Variants in ZNF530 observed in about 807,000 individuals in gnomAD.
The protein encoded by ZNF530 is zinc finger protein 530.
A neutral mutation model predicts 2.8 loss-of-function variants in ZNF530; 5 were observed. That is an observed-to-expected ratio of 1.80 (90% confidence interval 0.94 to 3.78). The LOEUF (loss-of-function observed/expected upper bound fraction) is 3.78, where lower values mean the gene tolerates loss of function less well. ZNF530 is among the 30% of genes most tolerant of loss of function. The pLI is 0.00. For synonymous variants in ZNF530, 229 were observed against 235.0 expected, an observed-to-expected ratio of 0.97 and a Z score of 0.23; for missense variants, 619 against 673.3, an observed-to-expected ratio of 0.92 and a Z score of 0.89.
chr19:57,606,628 G>A lies in ZNF530; in HGVS notation c.1004G>A (p.Arg335Gln), dbSNP rs370195949. 82 of 1,613,636 alleles carry A rather than the reference G, an allele frequency of 5.1e-5. No homozygotes were observed. Among genetic ancestry groups the A allele is most frequent in the African/African-American group, 6.7e-5 (5 of 74,778 alleles). Residue 335 changes from arginine (R) to glutamine (Q), a missense_variant, in exon 4 of 4, where the codon CGA (arginine) becomes CAA (glutamine). Arg to Gln is a conservative substitution (Grantham distance 43). Transcript: ENST00000597700. ...KSFSHSTNLF[R>Q]HWRVHTGVRP... is the part of the protein sequence containing the mutation. ...TTTAGCCATAGCACTAACCTCTTTC[G>A]ACACTGGAGAGTTCACACTGGAGTA...
rs946787350 is a variant in ZNF530, at chr19:57,607,393, G to A, written c.*68G>A. ...TGGAATTTTGCTCGTCACCCAGGCT[G>A]GAGTGCAATTGTGCAATCTCAGCTC... On this transcript the variant is annotated 3_prime_UTR_variant, in exon 4 of 4. Transcript: ENST00000597700. 3.5e-5 allele frequency: 52 copies of A among 1,473,066 alleles called. No individual in the cohort carries two copies. In the African/African-American group the frequency reaches 6.5e-4, roughly 19 times the overall value. The allele number at this position is 1,473,066 out of a possible 1,614,324, so 91.2% of individuals were successfully genotyped here. A position where few individuals can be genotyped will look rare whatever the true frequency, so the allele number is the denominator to read the frequency against.
chr19:57,603,804 A>T (rs1327845077), intron 2 of ZNF530, among the ~76,000 whole-genome samples: 2 of 152,210 alleles, frequency 1.3e-5, no homozygotes, highest in African/African-American at 4.8e-5. Flanking sequence ...AGCACTTTCT[A>T]GATGTCTTGT....
chr19:57,602,508 G>C (rs958022825), intron 2 of ZNF530, among the ~76,000 whole-genome samples: 2 of 152,140 alleles, frequency 1.3e-5, no homozygotes, highest in Non-Finnish European at 2.9e-5. Flanking sequence ...ATTAATAGCA[G>C]GCCAGGAAGG....
intron 3 of ZNF530, 84 bp from the exon 4 acceptor site, chr19:57,605,602 A>G: frequency 7.3e-7 from 1 of 1,370,280 alleles, no homozygotes; most frequent in Non-Finnish European, 9.9e-7. Flanking sequence ...ACATTTTCTT[A>G]GACTCATTCT....
chr19:57,604,516 C>G, intron 3 of ZNF530, 110 bp downstream of exon 3: 3 of 1,436,222 alleles, frequency 2.1e-6, no homozygotes, highest in Non-Finnish European at 2.8e-6. Context: ...ACAGACCTTC[C>G]CACTTTCTTG....
Position 57,605,939 on chromosome 19 carries a change from G to T in ZNF530, c.315G>T (p.Lys105Asn). ...WMSSNLHQLQ[K>N]LDNGEKLFKV... is the part of the protein sequence containing the mutation. ...GTTCAAACCTTCACCAGCTCCAGAA[G>T]CTTGATAATGGAGAGAAGCTCTTTA... The change falls in exon 4 of 4, where the codon AAG (lysine) becomes AAT (asparagine). Residue 105 changes from lysine to asparagine, a missense_variant. Coordinates refer to ENST00000597700, the MANE Select transcript of ZNF530 (RefSeq NM_001321981.2). 1 of 1,614,196 alleles carries T rather than the reference G, an allele frequency of 6.2e-7. No individual in the cohort carries two copies. The highest frequency in any genetic ancestry group is 1.6e-4 in the Middle Eastern group (1 of 6,062).
chr19:57,608,921 GC>G lies in ZNF530; in HGVS notation c.*1597del, dbSNP rs1228653063. On this transcript the variant is annotated 3_prime_UTR_variant, in exon 4 of 4. Transcript: ENST00000597700. ...GGCCAAGGTGGTGAAACCCTGGAAG[GC>G]TGAGGCAGATAATTGCTTGAACTTG... 2 of 151,874 alleles carry G rather than the reference GC, an allele frequency of 1.3e-5. No homozygotes were observed. The highest frequency in any genetic ancestry group is 2.9e-5 in the Non-Finnish European group (2 of 68,058). 9.4% of individuals were successfully genotyped at this position (151,874 alleles called of 1,614,324 possible).
intron 2 of ZNF530, among the ~76,000 whole-genome samples, chr19:57,601,245 CA>C (rs976234811): frequency 2.6e-5 from 4 of 152,246 alleles, no homozygotes; most frequent in African/African-American, 9.6e-5. Flanking sequence ...GAGTTGGTAG[CA>C]ATACCAAAGA....
Position 57,606,100 on chromosome 19 carries a change from T to C in ZNF530, c.476T>C (p.Ile159Thr). 1 of 1,614,190 alleles carries C rather than the reference T, an allele frequency of 6.2e-7. No homozygotes were observed. Among genetic ancestry groups the C allele is most frequent in the South Asian group, 1.1e-5 (1 of 91,080 alleles). ...CTCCAGCATCAGGTGACTCCCACCA[T>C]TGAGAGACCACACAGCAGGATTAGA... is the stretch of plus-strand genomic sequence containing the variant. ...GLLQHQVTPT[I>T]ERPHSRIRHL... Residue 159 changes from isoleucine to threonine, a missense_variant, in exon 4 of 4, where the codon ATT (isoleucine) becomes ACT (threonine). Coordinates refer to ENST00000597700, the MANE Select transcript of ZNF530 (RefSeq NM_001321981.2).
At chr19:57,603,300 A>G (rs1335447021) in intron 2 of ZNF530, among the ~76,000 whole-genome samples, 3 of 152,216 alleles carry the variant, frequency 2.0e-5, no homozygotes, top group African/African-American at 7.2e-5. Flanking sequence ...GACACATGGG[A>G]ATTGTGGGAG....
intron 2 of ZNF530, among the ~76,000 whole-genome samples, chr19:57,603,925 A>C (rs539548254): frequency 3.3e-5 from 5 of 152,184 alleles, no homozygotes; most frequent in African/African-American, 9.7e-5. Context: ...AGTGATGCAC[A>C]TATGAAGACG....
chr19:57,606,363 A>T lies in ZNF530; in HGVS notation c.739A>T (p.Thr247Ser). The T allele has an allele frequency of 1.2e-6, 2 of 1,613,798 alleles. No individual in the cohort carries two copies. The highest frequency in any genetic ancestry group is 1.7e-6 in the Non-Finnish European group (2 of 1,179,790). The change falls in exon 4 of 4, where the codon ACT (threonine) becomes TCT (serine). Residue 247 changes from threonine to serine, a missense_variant. Coordinates refer to ENST00000597700, the MANE Select transcript of ZNF530 (RefSeq NM_001321981.2). ...ATGTGGGAAATCATTTAGTCGCAAAACTCACCTAACTCAACACCAAAGAGT... is the reference window on the plus strand; with the variant it reads ...ATGTGGGAAATCATTTAGTCGCAAATCTCACCTAACTCAACACCAAAGAGT... Reference protein sequence around the residue: ...SECGKSFSRKTHLTQHQRVHT... With the variant: ...SECGKSFSRKSHLTQHQRVHT...
Position 57,609,809 on chromosome 19 carries a change from A to G in ZNF530, c.*2484A>G, listed in dbSNP as rs563237359. On this transcript the variant is annotated 3_prime_UTR_variant, in exon 4 of 4. Transcript: ENST00000597700. ...CTTCAAGGCCATTGCTGCACAGACA[A>G]AAAAAAAAAAGGATGAAGTCAAGAG... Among the ~76,000 whole-genome samples the G allele has an allele frequency of 4.1e-5, 6 of 145,976 alleles. No individual in the cohort carries two copies. In the South Asian group the frequency reaches 1.3e-3, roughly 31 times the overall value.
At position 57,606,273 on chromosome 19, in the gene ZNF530, C is replaced by T; in HGVS notation, c.649C>T (p.Gln217Ter). The T allele has an allele frequency of 6.2e-7, 1 of 1,614,112 alleles. No individual in the cohort carries two copies. Among genetic ancestry groups the T allele is most frequent in the South Asian group, 1.1e-5 (1 of 91,090 alleles). ...CAGTGAATGTGGGAAATCCTTTAGT[C>T]AAAGTTCTGGCTTTCTTCGACACAG... ...KCSECGKSFS[Q>*]SSGFLRHRKA... is the part of the protein sequence containing the mutation. Residue 217 changes from glutamine to a stop codon, truncating the protein, a stop_gained, in exon 4 of 4, where the codon CAA (glutamine) becomes TAA (stop). Transcript: ENST00000597700. LOFTEE classifies it low-confidence loss of function (END_TRUNC).
rs564068650 is a variant in ZNF530, at chr19:57,602,895, GTTC to G, written c.-69-1376_-69-1374del. 3.3e-3 allele frequency among the ~76,000 whole-genome samples: 497 copies of G among 152,230 alleles called. 1 individual carries two copies. Among genetic ancestry groups the G allele is most frequent in the Non-Finnish European group, 5.8e-3 (395 of 67,990 alleles). On this transcript the variant is annotated intron_variant, in intron 2 of 3. Coordinates refer to ENST00000597700, the MANE Select transcript of ZNF530 (RefSeq NM_001321981.2). ...GGAACTCCTCTTTTTAAAACCATCAGTTCTTCTTTTTTTGAGATGGAGTCTTGC... is the reference window on the plus strand; with the variant it reads ...GGAACTCCTCTTTTTAAAACCATCAGTTCTTTTTTTGAGATGGAGTCTTGC...
intron 2 of ZNF530, among the ~76,000 whole-genome samples, chr19:57,602,098 A>G (rs947574323): frequency 6.6e-5 from 10 of 151,954 alleles, no homozygotes; most frequent in Non-Finnish European, 1.5e-4. Flanking sequence ...AAACAACAAA[A>G]ATTTGTTTCT....
chr19:57,602,901 C>A (rs553963947), intron 2 of ZNF530, among the ~76,000 whole-genome samples: 1 of 152,060 alleles, frequency 6.6e-6, no homozygotes, highest in East Asian at 1.9e-4. Flanking sequence ...ATCAGTTCTT[C>A]TTTTTTTGAG....
chr19:57,601,495 C>T (rs1375972007), intron 2 of ZNF530, among the ~76,000 whole-genome samples: 1 of 152,130 alleles, frequency 6.6e-6, no homozygotes, highest in East Asian at 1.9e-4. Flanking sequence ...TCACTCAGGA[C>T]ATCAGGAATG....
chr19:57,610,191 C>G (rs1980818823), downstream of ZNF530, among the ~76,000 whole-genome samples: 1 of 152,136 alleles, frequency 6.6e-6, no homozygotes, highest in Admixed American at 6.5e-5. Context: ...TTTACTTTTG[C>G]TCTTTTATAA....
Sources: allele counts gnomAD v4.1 joint callset (sites outside exome capture counted in the v4.1 genomes callset), GRCh38; gene constraint gnomAD v4.1.1; transcripts MANE v1.5; gene names NCBI Gene and HGNC (gene_info 2026-07-23, HGNC 2026-07-21).